The following DAB1 variants were observed in gnomAD, a reference collection of about 807,000 sequenced individuals.
The protein encoded by DAB1 is disabled homolog 1.
Under a neutral mutation model 64.6 loss-of-function variants are expected in DAB1, and 15 were observed. That is an observed-to-expected ratio of 0.23 (90% confidence interval 0.16 to 0.36). The LOEUF is 0.36. Among genes scored for constraint, DAB1 ranks in the 10% least tolerant of loss-of-function variants. The pLI is 1.00. For synonymous variants in DAB1, 235 were observed against 251.9 expected (o/e 0.93, Z 0.64); for missense variants, 596 against 706.7 (o/e 0.84, Z 1.78).
intron 7 of DAB1, among the ~76,000 whole-genome samples, chr1:57,583,288 T>C (rs1287251593): frequency 6.9e-6 from 1 of 145,398 alleles, no homozygotes; most frequent in Non-Finnish European, 1.5e-5. Context: ...TTTTTTTCTT[T>C]TCTTTTTTTT....
At chr1:58,409,522 T>C (rs1210055732) in intron 3 of DAB1, among the ~76,000 whole-genome samples, 3 of 152,204 alleles carry the variant, frequency 2.0e-5, no homozygotes, top group Admixed American at 1.3e-4. Flanking sequence ...CTCTCTGTTG[T>C]TATATGCATC....
At chr1:58,300,411 G>A (rs142567959) in intron 4 of DAB1, among the ~76,000 whole-genome samples, 2,669 of 151,796 alleles carry the variant, frequency 0.018, 40 homozygotes, top group East Asian at 0.039. Context: ...GCCAGGCGTA[G>A]TGGCGGGTGC....
intron 7 of DAB1, among the ~76,000 whole-genome samples, chr1:57,494,324 C>T (rs898757693): frequency 6.6e-6 from 1 of 151,938 alleles, no homozygotes; most frequent in Non-Finnish European, 1.5e-5. Flanking sequence ...GGGCTTGACA[C>T]AGTCAGTGAA....
chr1:57,869,867 A>G (rs971915010), intron 1 of DAB1, among the ~76,000 whole-genome samples: 3 of 152,316 alleles, frequency 2.0e-5, no homozygotes, highest in Non-Finnish European at 2.9e-5. Flanking sequence ...AAACCTAATC[A>G]TAACTATCAT....
At chr1:57,224,713 A>G (rs1237270794) in intron 2 of DAB1, among the ~76,000 whole-genome samples, 1 of 152,216 alleles carries the variant, frequency 6.6e-6, no homozygotes, top group African/African-American at 2.4e-5. Flanking sequence ...TGTTCCTGGC[A>G]TAGAGCTTCC....
intron 6 of DAB1, among the ~76,000 whole-genome samples, chr1:57,701,784 G>A (rs1182806571): frequency 6.6e-6 from 1 of 151,956 alleles, no homozygotes; most frequent in Non-Finnish European, 1.5e-5. Flanking sequence ...ATTCTGCTGT[G>A]AAGAGCCTCT....
intron 2 of DAB1, among the ~76,000 whole-genome samples, chr1:57,188,559 T>C (rs1357706642): frequency 6.6e-6 from 1 of 152,224 alleles, no homozygotes; most frequent in Non-Finnish European, 1.5e-5. Flanking sequence ...ACATCTCATT[T>C]ATCTGTTACT....
chr1:57,919,060 T>C (rs956787834), intron 5 of DAB1, among the ~76,000 whole-genome samples: 1 of 152,234 alleles, frequency 6.6e-6, no homozygotes, highest in Non-Finnish European at 1.5e-5. Context: ...ACCCAGGCTT[T>C]GGAGTAAGAG....
At chr1:58,381,697 T>G (rs1644391240) in intron 3 of DAB1, among the ~76,000 whole-genome samples, 1 of 152,168 alleles carries the variant, frequency 6.6e-6, no homozygotes, top group South Asian at 2.1e-4. Flanking sequence ...TAAGGAATAG[T>G]AGATTGGGAG....
rs555550307 is a variant in DAB1 at position 57,561,318 on chromosome 1, G to A, written n.625+88274C>T. 6.6e-4 allele frequency among the ~76,000 whole-genome samples: 100 copies of A among 152,316 alleles called. No homozygotes were observed. The South Asian group carries it at 7.9e-3, about 12-fold the overall frequency. ...CATCCCTGAAGGACAGCAGTGAAGG[G>A]CAATCTTCCCAGTGGGCAGAACTTT... On this transcript the variant is annotated intron_variant and non_coding_transcript_variant, in intron 7 of 20. Transcript: ENST00000485760.
Position 58,228,368 on chromosome 1 carries a change from G to T in DAB1, n.310-77780C>A, listed in dbSNP as rs183359480. Among the ~76,000 whole-genome samples, 149 of 152,212 alleles carry T rather than the reference G, an allele frequency of 9.8e-4. 1 individual carries two copies. Among genetic ancestry groups the T allele is most frequent in the African/African-American group, 3.3e-3 (138 of 41,520 alleles). ...CATAAAGAATTGTAATTGCTTTTTGGGGGGGTAAGGGGAAAGGGTAATCTT... is the reference window on the plus strand; with the variant it reads ...CATAAAGAATTGTAATTGCTTTTTGTGGGGGTAAGGGGAAAGGGTAATCTT... On this transcript the variant is annotated intron_variant and non_coding_transcript_variant, in intron 4 of 20. Coordinates refer to the DAB1 transcript ENST00000485760.
intron 3 of DAB1, among the ~76,000 whole-genome samples, chr1:58,476,868 G>A (rs1645423712): frequency 6.6e-6 from 1 of 152,172 alleles, no homozygotes; most frequent in Non-Finnish European, 1.5e-5. Context: ...TCACGTAAGT[G>A]GCAGTACATG....
chr1:57,118,827 G>C (rs758472370), intron 4 of DAB1, among the ~76,000 whole-genome samples: 4 of 152,036 alleles, frequency 2.6e-5, no homozygotes, highest in Non-Finnish European at 5.9e-5. Flanking sequence ...CACTATAACT[G>C]TTTCCATTGT....
At chr1:58,196,494 A>G (rs1370037505) in intron 4 of DAB1, among the ~76,000 whole-genome samples, 1 of 152,180 alleles carries the variant, frequency 6.6e-6, no homozygotes, top group Non-Finnish European at 1.5e-5. Context: ...TATCTTGGAG[A>G]CTACTACAGT....
At chr1:57,086,555 G>T (rs1253676091) in intron 4 of DAB1, among the ~76,000 whole-genome samples, 1 of 151,778 alleles carries the variant, frequency 6.6e-6, no homozygotes, top group Non-Finnish European at 1.5e-5. Flanking sequence ...TCCCCTCACT[G>T]CCTAATCCCT....
intron 1 of DAB1, among the ~76,000 whole-genome samples, chr1:57,393,032 A>G (rs1156756985): frequency 1.3e-5 from 2 of 152,164 alleles, no homozygotes; most frequent in Non-Finnish European, 1.5e-5. Context: ...TTCAAAATGT[A>G]TTTTTTAAAT....
chr1:57,386,182 A>G (rs1468059327), intron 1 of DAB1, among the ~76,000 whole-genome samples: 2 of 152,076 alleles, frequency 1.3e-5, no homozygotes, highest in Non-Finnish European at 2.9e-5. Context: ...CATGGATGGT[A>G]TCTATCCATT....
At chr1:58,524,244 C>T (rs1646314979) in intron 2 of DAB1, among the ~76,000 whole-genome samples, 1 of 152,180 alleles carries the variant, frequency 6.6e-6, no homozygotes, top group South Asian at 2.1e-4. Flanking sequence ...AAAACCTGTT[C>T]CGGCAGCTAT....
intron 7 of DAB1, among the ~76,000 whole-genome samples, chr1:57,539,946 A>C (rs1334922003): frequency 1.3e-5 from 2 of 152,198 alleles, no homozygotes; most frequent in East Asian, 3.9e-4. Context: ...ATGAAGATGA[A>C]TTAGTGAGGC....
Sources: gnomAD v4.1 joint callset for allele counts (sites outside exome capture counted in the v4.1 genomes callset) on GRCh38, gnomAD v4.1.1 for gene constraint, MANE v1.5 for transcripts, NCBI Gene and HGNC (gene_info 2026-07-23, HGNC 2026-07-21) for gene names.